Variants in TLN2 observed in about 807,000 individuals in gnomAD.
TLN2 encodes talin 2.
In TLN2, 118 loss-of-function variants were observed where a neutral mutation model predicts 294.7. The observed-to-expected ratio is 0.40, with a 90% CI of 0.34 to 0.47. The LOEUF is 0.47. TLN2 is among the 20% of genes least tolerant of loss of function. The probability of loss-of-function intolerance (pLI) is 0.84; values close to 1 mark genes in which losing one functional copy is unlikely to be tolerated. For synonymous variants in TLN2, 1,431 were observed against 1,304.5 expected (o/e 1.10, Z -2.09); for missense variants, 3,083 against 3,282.2 (o/e 0.94, Z 1.48).
chr15:62,797,514 G>A (rs2065585333), intron 48 of TLN2, 112 bp downstream of exon 48: 2 of 1,255,224 alleles, frequency 1.6e-6, no homozygotes, highest in African/African-American at 1.5e-5. Flanking sequence ...GACAATGTGT[G>A]TGTGAGTGTG....
At chr15:62,770,933 C>T (rs1347426575) in intron 41 of TLN2, 31 bp from the exon 42 acceptor site, 1 of 1,574,588 alleles carries the variant, frequency 6.4e-7, no homozygotes, top group East Asian at 2.3e-5. Flanking sequence ...TTACATGATA[C>T]ATCTCTGGCT....
chr15:62,788,598 C>G (rs1567608134), intron 45 of TLN2, among the ~76,000 whole-genome samples: 1 of 152,140 alleles, frequency 6.6e-6, no homozygotes, highest in African/African-American at 2.4e-5. Context: ...GCTCAGGGAA[C>G]TTAGTTAAAC....
chr15:62,755,735 C>G lies in TLN2; in HGVS notation c.4638+42C>G, dbSNP rs535990095. ...CCGGCCTTATTGAACTCTGTAACTC[C>G]TGTTCTGGCGGGGGAAGGGGAACAA... On this transcript the variant is annotated intron_variant, in intron 37 of 58. Coordinates refer to ENST00000636159, the MANE Select transcript of TLN2 (RefSeq NM_015059.3). 5.0e-5 allele frequency: 80 copies of G among 1,608,224 alleles called. 3 individuals are homozygous for G. In the East Asian group the frequency reaches 1.5e-3, roughly 31 times the overall value.
chr15:62,782,562 C>G (rs6494358), intron 44 of TLN2, among the ~76,000 whole-genome samples: 149,726 of 152,352 alleles, frequency 0.98, 73,621 homozygotes, highest in Middle Eastern at 1. Context: ...ATGGCCACTC[C>G]TGAGATAACT....
At chr15:62,537,311 G>A (rs1385592168) in intron 1 of TLN2, among the ~76,000 whole-genome samples, 4 of 152,096 alleles carry the variant, frequency 2.6e-5, no homozygotes, top group African/African-American at 4.8e-5. Context: ...CACCGCGCCC[G>A]GCCTGTCATT....
intron 42 of TLN2, among the ~76,000 whole-genome samples, chr15:62,773,604 G>C (rs138673510): frequency 9.7e-4 from 148 of 152,164 alleles, no homozygotes; most frequent in African/African-American, 3.4e-3. Flanking sequence ...ATATTTACTA[G>C]GTTTTATTTG....
intron 26 of TLN2, among the ~76,000 whole-genome samples, chr15:62,723,746 C>T (rs1488477934): frequency 6.6e-6 from 1 of 151,730 alleles, no homozygotes; most frequent in African/African-American, 2.4e-5. Flanking sequence ...GATGAGATTT[C>T]ATCATCTTGC....
chr15:62,678,864 A>G (rs936004472), intron 11 of TLN2, among the ~76,000 whole-genome samples: 2 of 152,184 alleles, frequency 1.3e-5, no homozygotes, highest in Non-Finnish European at 2.9e-5. Flanking sequence ...GTAAGAATTG[A>G]AATCAGAATA....
chr15:62,690,172 A>C (rs1270767026), intron 12 of TLN2: 5 of 149,400 alleles, frequency 3.3e-5, no homozygotes, highest in Non-Finnish European at 5.6e-5. Flanking sequence ...TCCCTCCCGG[A>C]CGGGGTGGCT....
At chr15:62,604,179 C>T (rs1057352255) in intron 2 of TLN2, among the ~76,000 whole-genome samples, 2 of 151,988 alleles carry the variant, frequency 1.3e-5, no homozygotes, top group East Asian at 3.9e-4. Flanking sequence ...TCTAGGCATT[C>T]GGGAGCCATA....
intron 27 of TLN2, 149 bp downstream of exon 27, chr15:62,725,253 T>G: frequency 8.1e-7 from 1 of 1,241,312 alleles, no homozygotes. Flanking sequence ...CCAGGGCAGC[T>G]GGAGGAACTA....
intron 22 of TLN2, among the ~76,000 whole-genome samples, chr15:62,713,707 G>A (rs1252005880): frequency 1.3e-5 from 2 of 151,908 alleles, no homozygotes; most frequent in Admixed American, 1.3e-4. Context: ...GACACATAGT[G>A]AGCCATGTAG....
chr15:62,640,375 A>T (rs765706215), intron 3 of TLN2: 1 of 457,096 alleles, frequency 2.2e-6, no homozygotes, highest in South Asian at 1.5e-5. Context: ...AGAGGCAGAG[A>T]GAAGAGGGGG....
rs1468395121 is a variant in TLN2 at position 62,717,703 on chromosome 15, G to A, written c.2877+14G>A. On this transcript the variant is annotated intron_variant, in intron 24 of 58. Transcript: ENST00000636159. ...CAGAGTTGCAAGGTGAGGTTCCAGT[G>A]CACAGAGAGCCAGGTCAGCTGCAGA... 6.5e-7 allele frequency: 1 copy of A among 1,541,682 alleles called. No individual in the cohort carries two copies. Among genetic ancestry groups the A allele is most frequent in the Admixed American group, 2.1e-5 (1 of 46,800 alleles).
intron 1 of TLN2, among the ~76,000 whole-genome samples, chr15:62,564,406 C>T (rs1396151921): frequency 6.6e-6 from 1 of 152,148 alleles, no homozygotes; most frequent in Non-Finnish European, 1.5e-5. Context: ...CTGACCTTTT[C>T]ACACATTGGT....
chr15:62,819,738 G>T, intron 53 of TLN2, 117 bp downstream of exon 53: 1 of 821,782 alleles, frequency 1.2e-6, no homozygotes, highest in South Asian at 1.7e-5. Flanking sequence ...GATGCAGCCA[G>T]GAATACAGTG....
intron 17 of TLN2, among the ~76,000 whole-genome samples, chr15:62,701,438 A>G (rs1287674409): frequency 2.6e-5 from 4 of 152,164 alleles, no homozygotes; most frequent in Non-Finnish European, 5.9e-5. Flanking sequence ...ATCCTCATTA[A>G]AAAGCATCTA....
chr15:62,796,386 T>TA lies in TLN2; in HGVS notation c.6050+94dup. The stretch of plus-strand genomic sequence containing the variant: ...AGACGCCACCTGGGAGCCAGAAATG[T>TA]AGTTATCTGTTTTGATTTCAACAAG... On this transcript the variant is annotated intron_variant, in intron 47 of 58. Coordinates refer to ENST00000636159, the MANE Select transcript of TLN2 (RefSeq NM_015059.3). 4 of 1,413,716 alleles carry TA rather than the reference T, an allele frequency of 2.8e-6. No individual in the cohort carries two copies. The African/African-American group carries it at 5.7e-5, about 20-fold the overall frequency. 87.6% of individuals were successfully genotyped at this position (1,413,716 alleles called of 1,614,324 possible).
Position 62,694,268 on chromosome 15 carries a change from C to T in TLN2, c.1216-48C>T, listed in dbSNP as rs748672547. On this transcript the variant is annotated intron_variant, in intron 13 of 58. Coordinates refer to ENST00000636159, the MANE Select transcript of TLN2 (RefSeq NM_015059.3). The stretch of plus-strand genomic sequence containing the variant: ...CTGGGATTAGAGGCGTGAGCCACCG[C>T]GCGTGGCCTGGTTTTCATTTTTGCA... The T allele has an allele frequency of 4.0e-5, 64 of 1,580,454 alleles. No individual in the cohort carries two copies. The East Asian group carries it at 5.8e-4, about 14-fold the overall frequency.
Sources: gnomAD v4.1 joint callset for allele counts (sites outside exome capture counted in the v4.1 genomes callset) on GRCh38, gnomAD v4.1.1 for gene constraint, MANE v1.5 for transcripts, NCBI Gene and HGNC (gene_info 2026-07-23, HGNC 2026-07-21) for gene names.